Variants in KDM4C observed in about 807,000 individuals in gnomAD.
KDM4C encodes lysine demethylase 4C.
Under a neutral mutation model 129.3 loss-of-function variants are expected in KDM4C, and 81 were observed. The observed-to-expected ratio is 0.63, with a 90% confidence interval of 0.52 to 0.75. The LOEUF is 0.75. KDM4C is among the 30% of genes least tolerant of loss of function. KDM4C has a pLI of 0.00. For synonymous variants in KDM4C, 573 were observed against 456.1 expected, an observed-to-expected ratio of 1.26 and a Z score of -3.26; for missense variants, 1,457 against 1,304.0, an observed-to-expected ratio of 1.12 and a Z score of -1.81.
At chr9:7,119,389 A>G (rs1295080806) in intron 18 of KDM4C, among the ~76,000 whole-genome samples, 1 of 152,230 alleles carries the variant, frequency 6.6e-6, no homozygotes, top group Non-Finnish European at 1.5e-5. Flanking sequence ...ATTCTAGCAC[A>G]AATTTAACAG....
intron 12 of KDM4C, among the ~76,000 whole-genome samples, chr9:6,995,136 C>T (rs1278440156): frequency 4.2e-5 from 6 of 144,490 alleles, no homozygotes; most frequent in African/African-American, 7.5e-5. Flanking sequence ...GGGTTTTTTC[C>T]TAGGATTTTT....
chr9:7,174,396 C>T (rs375834074), intron 21 of KDM4C, among the ~76,000 whole-genome samples, 157 bp from the exon 22 acceptor site: 7 of 152,276 alleles, frequency 4.6e-5, no homozygotes, highest in East Asian at 1.9e-4. Context: ...GTGGGAGAGG[C>T]GAGGGAAAGC....
chr9:6,835,583 C>G, intron 4 of KDM4C: 1 of 966,260 alleles, frequency 1.0e-6, no homozygotes, highest in Non-Finnish European at 1.7e-6. Context: ...TCTAGGCGGA[C>G]TGTGACTTAG....
At chr9:6,898,042 C>G (rs1158654399) in intron 8 of KDM4C, among the ~76,000 whole-genome samples, 1 of 152,094 alleles carries the variant, frequency 6.6e-6, no homozygotes, top group African/African-American at 2.4e-5. Flanking sequence ...ATCAAAGCGC[C>G]GGCCGGCAGG....
intron 3 of KDM4C, among the ~76,000 whole-genome samples, chr9:6,813,129 C>T (rs1172245636): frequency 6.6e-6 from 1 of 152,064 alleles, no homozygotes; most frequent in Non-Finnish European, 1.5e-5. Flanking sequence ...GAGCCGAGAT[C>T]GTGCCGCTGT....
At chr9:7,066,576 A>G (rs1291747241) in intron 17 of KDM4C, among the ~76,000 whole-genome samples, 2 of 152,246 alleles carry the variant, frequency 1.3e-5, no homozygotes, top group South Asian at 2.1e-4. Flanking sequence ...AGAAATGACA[A>G]TAAACATGTT....
At chr9:6,959,712 T>C (rs978677295) in intron 8 of KDM4C, among the ~76,000 whole-genome samples, 3 of 152,150 alleles carry the variant, frequency 2.0e-5, no homozygotes, top group South Asian at 2.1e-4. Context: ...TTCTGTGAAA[T>C]TGTAGTCTAG....
At chr9:6,896,026 C>G (rs951737040) in intron 8 of KDM4C, among the ~76,000 whole-genome samples, 8 of 152,080 alleles carry the variant, frequency 5.3e-5, no homozygotes, top group African/African-American at 1.7e-4. Flanking sequence ...AAGTCTGATT[C>G]TTTAGGTAAC....
intron 4 of KDM4C, chr9:6,815,173 CACAG>C (rs956529245): frequency 2.6e-5 from 4 of 151,774 alleles, no homozygotes; most frequent in South Asian, 2.1e-4. Flanking sequence ...TCCTTTTTTT[CACAG>C]ACAAATTGTA....
At chr9:6,995,756 C>G (rs1397967398) in intron 12 of KDM4C, among the ~76,000 whole-genome samples, 2 of 152,216 alleles carry the variant, frequency 1.3e-5, no homozygotes, top group African/African-American at 4.8e-5. Flanking sequence ...ACTGCAAGCT[C>G]TGCCTGCTGG....
intron 5 of KDM4C, among the ~76,000 whole-genome samples, chr9:6,876,584 T>C (rs1234897602): frequency 3.9e-5 from 6 of 152,196 alleles, no homozygotes; most frequent in African/African-American, 1.4e-4. Flanking sequence ...TTCTCTCTCT[T>C]CTCATGGCAT....
chr9:7,028,592 G>C (rs1321949885), intron 15 of KDM4C, among the ~76,000 whole-genome samples: 2 of 151,994 alleles, frequency 1.3e-5, no homozygotes, highest in African/African-American at 4.8e-5. Flanking sequence ...GCCTCGACTG[G>C]TGTCTCAGTA....
In KDM4C at chr9:6,984,321, A is replaced by G. The variant is rs1049599382; in HGVS notation, c.1271A>G (p.Asn424Ser). 1 of 1,614,106 alleles carries G rather than the reference A, an allele frequency of 6.2e-7. No homozygotes were observed. Among genetic ancestry groups the G allele is most frequent in the African/African-American group, 1.3e-5 (1 of 75,068 alleles). Residue 424 changes from asparagine to serine, a missense_variant, in exon 10 of 22, where the codon AAC (asparagine) becomes AGC (serine). Physicochemically the swap from Asn to Ser is conservative, Grantham distance 46. Transcript: ENST00000381309. ...TCAGAAGCAGCAGTGAAGCTGAGGA[A>G]CACAGAAGCATCTTCAGAAGAAGAG... ...EKSEAAVKLRNTEASSEEESS... is the reference protein window; with the variant it reads ...EKSEAAVKLRSTEASSEEESS...
chr9:6,809,155 A>G (rs1279641420), intron 3 of KDM4C, among the ~76,000 whole-genome samples: 1 of 152,216 alleles, frequency 6.6e-6, no homozygotes, highest in Non-Finnish European at 1.5e-5. Flanking sequence ...AGAAATTGAA[A>G]ATTTTATATT....
At chr9:6,815,529 G>A (rs181349000) in intron 4 of KDM4C, among the ~76,000 whole-genome samples, 13 of 152,078 alleles carry the variant, frequency 8.5e-5, no homozygotes, top group Admixed American at 7.2e-4. Flanking sequence ...ATTTTCTTTC[G>A]AAAAATTTCT....
At chr9:6,952,889 A>C (rs1361190064) in intron 8 of KDM4C, among the ~76,000 whole-genome samples, 5 of 152,232 alleles carry the variant, frequency 3.3e-5, no homozygotes, top group Admixed American at 2.6e-4. Flanking sequence ...GTTACTCAAC[A>C]TTTGTACAGT....
At chr9:7,016,030 A>G in intron 15 of KDM4C, 101 bp downstream of exon 15, 1 of 764,282 alleles carries the variant, frequency 1.3e-6, no homozygotes, top group Non-Finnish European at 2.2e-6. Flanking sequence ...AGGTGCTTAT[A>G]TGTGCAGTTC....
intron 4 of KDM4C, among the ~76,000 whole-genome samples, chr9:6,821,657 T>C (rs1833048039): frequency 6.6e-6 from 1 of 152,100 alleles, no homozygotes; most frequent in South Asian, 2.1e-4. Context: ...TTCATTCTTT[T>C]TTTTTTTGAG....
chr9:6,731,404 G>A (rs1464677802), intron 1 of KDM4C, among the ~76,000 whole-genome samples: 7 of 135,732 alleles, frequency 5.2e-5, no homozygotes, highest in African/African-American at 8.3e-5. Flanking sequence ...TCAGCTCACC[G>A]CAACCTCCAC....
Sources: allele counts gnomAD v4.1 joint callset (sites outside exome capture counted in the v4.1 genomes callset), GRCh38; gene constraint gnomAD v4.1.1; transcripts MANE v1.5; gene names NCBI Gene and HGNC (gene_info 2026-07-23, HGNC 2026-07-21).